CPEB4: variants seen among roughly 807,000 people sequenced by gnomAD.
CPEB4 encodes the protein cytoplasmic polyadenylation element-binding protein 4.
CPEB4 carries 12 observed loss-of-function variants against 72.5 expected under a neutral mutation model. The ratio of observed to expected loss-of-function variants is 0.17; its 90% CI spans 0.11 to 0.27. The LOEUF (loss-of-function observed/expected upper bound fraction) is 0.27. CPEB4 is among the 10% of genes least tolerant of loss of function. The pLI is 1.00. For missense variants in CPEB4, 614 were observed against 908.5 expected (o/e 0.68, Z 4.17); for synonymous variants, 302 against 326.3 (o/e 0.93, Z 0.80).
In CPEB4 at chr5:173,961,899, CTG is replaced by C. The variant is rs1216158109; in HGVS notation, c.*5765_*5766del. On this transcript the variant is annotated 3_prime_UTR_variant, in exon 10 of 10. Transcript: ENST00000265085. ...CAAGACAAAACTCTAATATTTCAGA[CTG>C]TGATCTTCAGAGGACTAGGATAGTC... is the stretch of plus-strand genomic sequence containing the variant. 2 of 151,656 alleles carry C rather than the reference CTG, an allele frequency of 1.3e-5. No individual in the cohort carries two copies. Among genetic ancestry groups the C allele is most frequent in the East Asian group, 3.8e-4 (2 of 5,200 alleles). 9.4% of individuals were successfully genotyped at this position (151,656 alleles called of 1,614,324 possible).
At chr5:173,899,825 A>T (rs1195304939) in intron 1 of CPEB4, among the ~76,000 whole-genome samples, 2 of 152,158 alleles carry the variant, frequency 1.3e-5, no homozygotes, top group South Asian at 2.1e-4. Context: ...CTTTCAGTGC[A>T]CAAATGTTTG....
intron 1 of CPEB4, 144 bp from the exon 2 acceptor site, chr5:173,910,379 A>T (rs1172638736): frequency 1.0e-5 from 6 of 584,748 alleles, no homozygotes; most frequent in Non-Finnish European, 1.9e-5. Context: ...TTTGGTGTTA[A>T]TAATAACATT....
chr5:173,900,499 A>G lies in CPEB4; in HGVS notation c.1125+9641A>G, dbSNP rs1262168132. 6.6e-6 allele frequency among the ~76,000 whole-genome samples: 1 copy of G among 152,158 alleles called. No homozygotes were observed. Among genetic ancestry groups the G allele is most frequent in the African/African-American group, 2.4e-5 (1 of 41,432 alleles). Reference sequence around the variant, plus strand: ...AGCAGACATGGAGAACAGGAACTCTAACAGCCAGTTGAGGTCTAAATAACT... The same window carrying G: ...AGCAGACATGGAGAACAGGAACTCTGACAGCCAGTTGAGGTCTAAATAACT... On this transcript the variant is annotated intron_variant, in intron 1 of 9. Transcript: ENST00000265085. The surrounding 1 kb of genome is among the most constrained non-coding windows in gnomAD (Gnocchi z 4.4).
rs758491455 is a variant in CPEB4 at position 173,890,340 on chromosome 5, G to T, written c.607G>T (p.Gly203Cys). 2 of 1,614,094 alleles carry T rather than the reference G, an allele frequency of 1.2e-6. No individual in the cohort carries two copies. Among genetic ancestry groups the T allele is most frequent in the Admixed American group, 1.7e-5 (1 of 60,024 alleles). The change falls in exon 1 of 10, where the codon GGT becomes TGT. Residue 203 changes from glycine to cysteine, a missense_variant. Gly to Cys is a radical substitution (Grantham distance 159, BLOSUM62 -3). Coordinates refer to ENST00000265085, the MANE Select transcript of CPEB4 (RefSeq NM_030627.4). ...GGTCCCTGCTGCTTCGGCTAATAAC[G>T]GTGCTCTGTTGTTTCAAAATTTCCC... ...GGVPAASANNGALLFQNFPHH... is the reference protein window; with the variant it reads ...GGVPAASANNCALLFQNFPHH...
rs1329970423 is a variant in CPEB4, at chr5:173,945,162, G to A, written c.1456+22G>A. 1.9e-6 allele frequency: 3 copies of A among 1,595,746 alleles called. No homozygotes were observed. In the Admixed American group the frequency reaches 5.1e-5, roughly 27 times the overall value. ...GAAGGTATGTTTAGAACTGTTTATA[G>A]CACGGTGCCCAGATGGTGGCACATA... On this transcript the variant is annotated intron_variant, in intron 5 of 9. Transcript: ENST00000265085.
intron 8 of CPEB4, 115 bp downstream of exon 8, chr5:173,952,053 T>C: frequency 1.9e-5 from 13 of 701,010 alleles, no homozygotes; most frequent in Non-Finnish European, 2.8e-5. Flanking sequence ...AGTTCTAGAA[T>C]CAAAATATCT....
intron 2 of CPEB4, among the ~76,000 whole-genome samples, chr5:173,928,362 C>A (rs754324237): frequency 6.6e-6 from 1 of 151,902 alleles, no homozygotes; most frequent in Admixed American, 6.6e-5. Flanking sequence ...CCACTCTGGT[C>A]GGGATGTTGA....
chr5:173,961,725 T>C lies in CPEB4; in HGVS notation c.*5588T>C, dbSNP rs1161636574. 2.6e-5 allele frequency: 4 copies of C among 152,126 alleles called. No individual in the cohort carries two copies. Among genetic ancestry groups the C allele is most frequent in the Non-Finnish European group, 5.9e-5 (4 of 68,016 alleles). The allele number at this position is 152,126 out of a possible 1,614,324, so 9.4% of individuals were successfully genotyped here. On this transcript the variant is annotated 3_prime_UTR_variant, in exon 10 of 10. Transcript: ENST00000265085. ...AAGTACTTTTTCTAGGGATTTTTTT[T>C]TTTTTTTAAGTTTGGGAAATAGTTT...
At position 173,956,370 on chromosome 5, in the gene CPEB4, T is replaced by G; in HGVS notation, c.*233T>G. On this transcript the variant is annotated 3_prime_UTR_variant, in exon 10 of 10. Transcript: ENST00000265085. ...CCATCGGGTTGCATGGAAGTTTTATTCTCTTGTTTTGCTGGAAACCAAGAG... is the reference window on the plus strand; with the variant it reads ...CCATCGGGTTGCATGGAAGTTTTATGCTCTTGTTTTGCTGGAAACCAAGAG... The G allele has an allele frequency of 2.3e-6, 1 of 432,744 alleles. No homozygotes were observed. Among genetic ancestry groups the G allele is most frequent in the Non-Finnish European group, 4.1e-6 (1 of 243,544 alleles). 26.8% of individuals were successfully genotyped at this position (432,744 alleles called of 1,614,324 possible). A position where few individuals can be genotyped will look rare whatever the true frequency, so the allele number is the denominator to read the frequency against.
chr5:173,912,646 A>G (rs944389836), intron 2 of CPEB4, among the ~76,000 whole-genome samples: 2 of 150,434 alleles, frequency 1.3e-5, no homozygotes, highest in Admixed American at 1.3e-4. Flanking sequence ...TTTTTTTAAA[A>G]AGTTAAGGTC....
Position 173,888,552 on chromosome 5 carries a change from C to T in CPEB4, c.-1182C>T. The T allele has an allele frequency of 5.0e-6, 2 of 402,946 alleles. No individual in the cohort carries two copies. The highest frequency in any genetic ancestry group is 7.1e-5 in the East Asian group (2 of 28,296). 25.0% of individuals were successfully genotyped at this position (402,946 alleles called of 1,614,324 possible). A position where few individuals can be genotyped will look rare whatever the true frequency, so the allele number is the denominator to read the frequency against. ...CAGGGTAAAGCGGCGACGGCGGCGA[C>T]GGCCCAGCAACCGTGAGGAGAAACA... is the stretch of plus-strand genomic sequence containing the variant. On this transcript the variant is annotated 5_prime_UTR_variant, in exon 1 of 10. In the 5' UTR this introduces an upstream ATG that the reference lacks. Coordinates refer to ENST00000265085, the MANE Select transcript of CPEB4 (RefSeq NM_030627.4). The surrounding 1 kb of genome is among the most constrained non-coding windows in gnomAD (Gnocchi z 4.3).
At position 173,961,670 on chromosome 5, in the gene CPEB4, G is replaced by A. The variant is rs1035338898; in HGVS notation, c.*5533G>A. ...ATTTCATAACCCCTTTTGGTAATGG[G>A]TGTTTGTGTCCACAGCTAGATCAGA... On this transcript the variant is annotated 3_prime_UTR_variant, in exon 10 of 10. Coordinates refer to ENST00000265085, the MANE Select transcript of CPEB4 (RefSeq NM_030627.4). The A allele has an allele frequency of 6.6e-6, 1 of 151,446 alleles. No homozygotes were observed. Among genetic ancestry groups the A allele is most frequent in the Non-Finnish European group, 1.5e-5 (1 of 67,908 alleles). The allele number at this position is 151,446 out of a possible 1,614,324, so 9.4% of individuals were successfully genotyped here.
intron 3 of CPEB4, among the ~76,000 whole-genome samples, chr5:173,939,956 C>CAAAA (rs35154045): frequency 1.5e-5 from 1 of 68,398 alleles, no homozygotes; most frequent in Admixed American, 1.6e-4. Flanking sequence ...TAATAAAATA[C>CAAAA]AAAAAAAAAA....
At chr5:173,948,098 C>A (rs1451470232) in intron 5 of CPEB4, among the ~76,000 whole-genome samples, 1 of 151,992 alleles carries the variant, frequency 6.6e-6, no homozygotes, top group Non-Finnish European at 1.5e-5. Flanking sequence ...ATAAAATAGA[C>A]CCAAACTGAT....
rs1315461099 is a variant in CPEB4 at position 173,949,949 on chromosome 5, C to T, written c.1547-11C>T. On this transcript the variant is annotated splice_polypyrimidine_tract_variant and intron_variant, in intron 6 of 9. Coordinates refer to ENST00000265085, the MANE Select transcript of CPEB4 (RefSeq NM_030627.4). Reference sequence around the variant, plus strand: ...GAAAACATGTAAGCCTTCTTTCCCCCTTTTTTCCAGGCTATGCATTCCTGC... The same window carrying T: ...GAAAACATGTAAGCCTTCTTTCCCCTTTTTTTCCAGGCTATGCATTCCTGC... The T allele has an allele frequency of 1.9e-6, 3 of 1,574,082 alleles. No individual in the cohort carries two copies. The highest frequency in any genetic ancestry group is 2.3e-5 in the South Asian group (2 of 88,520).
At chr5:173,899,847 G>A (rs1285974721) in intron 1 of CPEB4, among the ~76,000 whole-genome samples, 3 of 152,090 alleles carry the variant, frequency 2.0e-5, no homozygotes, top group Non-Finnish European at 4.4e-5. Flanking sequence ...TGCTTTTGAA[G>A]GGCCATGGGC....
chr5:173,944,225 AC>A (rs1221274180), intron 4 of CPEB4, among the ~76,000 whole-genome samples: 1 of 152,210 alleles, frequency 6.6e-6, no homozygotes, highest in Admixed American at 6.5e-5. Flanking sequence ...TCATAAGACT[AC>A]ACAATGAAGT....
chr5:173,937,930 A>G (rs983244027), intron 3 of CPEB4, among the ~76,000 whole-genome samples: 1 of 152,240 alleles, frequency 6.6e-6, no homozygotes, highest in Non-Finnish European at 1.5e-5. Flanking sequence ...ATTTCTAACT[A>G]TAAAGCAAAT....
At chr5:173,924,603 A>AT (rs957243278) in intron 2 of CPEB4, among the ~76,000 whole-genome samples, 3 of 152,156 alleles carry the variant, frequency 2.0e-5, no homozygotes, top group East Asian at 3.9e-4. Flanking sequence ...ATATTGAGGG[A>AT]TTTTTTTTGG....
Sources: allele counts gnomAD v4.1 joint callset (sites outside exome capture counted in the v4.1 genomes callset), GRCh38; gene constraint gnomAD v4.1.1; non-coding constraint Gnocchi (gnomAD v3.1); transcripts MANE v1.5; gene names NCBI Gene and HGNC (gene_info 2026-07-23, HGNC 2026-07-21).